ABHD17C: variants seen among roughly 807,000 people sequenced by gnomAD.
ABHD17C encodes the protein alpha/beta hydrolase domain-containing protein 17C.
Under a neutral mutation model 27.9 loss-of-function variants are expected in ABHD17C, and 11 were observed. That is an observed-to-expected ratio of 0.39 (90% confidence interval 0.25 to 0.65). ABHD17C has a LOEUF of 0.65. Among genes scored for constraint, ABHD17C ranks in the 30% least tolerant of loss-of-function variants. ABHD17C has a pLI of 0.45. For synonymous variants in ABHD17C, 233 were observed against 209.1 expected (o/e 1.11, Z -0.98); for missense variants, 280 against 470.2 (o/e 0.60, Z 3.74).
chr15:80,709,557 T>C (rs1894701567), intron 1 of ABHD17C, among the ~76,000 whole-genome samples: 1 of 151,874 alleles, frequency 6.6e-6, no homozygotes, highest in Non-Finnish European at 1.5e-5. Flanking sequence ...CTCCAGGATA[T>C]AGTTGCATAC....
At chr15:80,728,654 AT>A (rs1895016101) in intron 1 of ABHD17C, among the ~76,000 whole-genome samples, 1 of 152,208 alleles carries the variant, frequency 6.6e-6, no homozygotes, top group Non-Finnish European at 1.5e-5. Context: ...ATCTAAGTCG[AT>A]GAAACCAGGT....
At chr15:80,737,220 G>A (rs35978580) in intron 1 of ABHD17C, among the ~76,000 whole-genome samples, 17,700 of 152,138 alleles carry the variant, frequency 0.12, 1,357 homozygotes, top group East Asian at 0.25. Flanking sequence ...GGCTTCCCCC[G>A]GTAAAAATTG....
At chr15:80,721,821 C>T (rs558450649) in intron 1 of ABHD17C, among the ~76,000 whole-genome samples, 1 of 152,008 alleles carries the variant, frequency 6.6e-6, no homozygotes, top group Non-Finnish European at 1.5e-5. Flanking sequence ...TGGGGGCCTC[C>T]TTCCTTGTTG....
chr15:80,754,015 AAAAC>A (rs1283043517), intron 2 of ABHD17C, 132 bp from the exon 3 acceptor site: 3 of 729,932 alleles, frequency 4.1e-6, no homozygotes, highest in South Asian at 3.8e-5. Flanking sequence ...AAAACAAAAC[AAAAC>A]AAACAAAAAA....
intron 2 of ABHD17C, among the ~76,000 whole-genome samples, chr15:80,751,999 TAAAC>T (rs1159170851): frequency 6.6e-6 from 1 of 152,252 alleles, no homozygotes; most frequent in Non-Finnish European, 1.5e-5. Flanking sequence ...AAAACAAATT[TAAAC>T]AAAAGGAAAA....
At chr15:80,727,237 G>C (rs145520858) in intron 1 of ABHD17C, among the ~76,000 whole-genome samples, 22 of 152,286 alleles carry the variant, frequency 1.4e-4, no homozygotes, top group African/African-American at 5.1e-4. Flanking sequence ...GAATCGTCTA[G>C]GGTCACTCAG....
chr15:80,696,249 A>T (rs1199924958), intron 1 of ABHD17C, among the ~76,000 whole-genome samples: 2 of 152,182 alleles, frequency 1.3e-5, no homozygotes, highest in African/African-American at 4.8e-5. Flanking sequence ...GCTCGGACTC[A>T]GAGAATTTTG....
At chr15:80,747,360 T>G (rs1895302806) in intron 1 of ABHD17C, among the ~76,000 whole-genome samples, 1 of 152,136 alleles carries the variant, frequency 6.6e-6, no homozygotes, top group Admixed American at 6.5e-5. Flanking sequence ...TCCCTGGACT[T>G]GAGGTTAAGA....
rs1188665538 is a variant in ABHD17C, at chr15:80,695,555, C to T, written c.126C>T (p.Tyr42=). The T allele has an allele frequency of 1.3e-5, 17 of 1,324,122 alleles. No individual in the cohort carries two copies. Among genetic ancestry groups the T allele is most frequent in the Non-Finnish European group, 1.6e-5 (16 of 1,020,498 alleles). 82.0% of individuals were successfully genotyped at this position (1,324,122 alleles called of 1,614,324 possible). A position where few individuals can be genotyped will look rare whatever the true frequency, so the allele number is the denominator to read the frequency against. Residue 42 remains tyrosine (Y), a synonymous_variant, in exon 1 of 3, where the codon TAC becomes TAT. Transcript: ENST00000258884. The surrounding 1 kb of genome is among the most constrained non-coding windows in gnomAD (Gnocchi z 4.3). The part of the protein sequence containing the change: ...KLAFLPPEPT[Y]TVLAPEQRGA... ...CCTTCCTGCCGCCCGAGCCCACCTA[C>T]ACGGTGCTGGCGCCGGAGCAGCGCG...
chr15:80,713,028 A>G (rs1894747841), intron 1 of ABHD17C, among the ~76,000 whole-genome samples: 1 of 152,136 alleles, frequency 6.6e-6, no homozygotes, highest in South Asian at 2.1e-4. Flanking sequence ...CCATTCTTAC[A>G]GCATCTACAG....
intron 1 of ABHD17C, among the ~76,000 whole-genome samples, chr15:80,723,930 C>G (rs936646969): frequency 6.6e-6 from 1 of 152,154 alleles, no homozygotes; most frequent in Admixed American, 6.5e-5. Context: ...AGTCCGGGTG[C>G]AGTAGCTCGC....
chr15:80,703,882 A>G (rs927791013), intron 1 of ABHD17C, among the ~76,000 whole-genome samples: 1 of 152,194 alleles, frequency 6.6e-6, no homozygotes, highest in Non-Finnish European at 1.5e-5. Flanking sequence ...TCTGGTTTAC[A>G]TTATGTTTTT....
rs1026842539 is a variant in ABHD17C, at chr15:80,714,177, A to G, written c.590+18158A>G. 2.0e-5 allele frequency among the ~76,000 whole-genome samples: 3 copies of G among 152,102 alleles called. No individual in the cohort carries two copies. In the South Asian group the frequency reaches 6.2e-4, roughly 32 times the overall value. ...TGCCATTTTGTCCAGGCTGGTCTTG[A>G]ATTTCTGGGCTCGAGCAGTCTGCTT... On this transcript the variant is annotated intron_variant, in intron 1 of 2. Coordinates refer to ENST00000258884, the MANE Select transcript of ABHD17C (RefSeq NM_021214.2).
At chr15:80,746,059 A>G (rs1895278723) in intron 1 of ABHD17C, among the ~76,000 whole-genome samples, 1 of 152,220 alleles carries the variant, frequency 6.6e-6, no homozygotes, top group African/African-American at 2.4e-5. Flanking sequence ...GTCCCCATCA[A>G]CAGTGAATGA....
chr15:80,739,781 A>G (rs1016153535), intron 1 of ABHD17C, among the ~76,000 whole-genome samples: 5 of 152,208 alleles, frequency 3.3e-5, no homozygotes, highest in Non-Finnish European at 5.9e-5. Flanking sequence ...ATTCCTTTAT[A>G]GCAACACAAA....
chr15:80,733,872 GT>G (rs879428405), intron 1 of ABHD17C, among the ~76,000 whole-genome samples: 2 of 151,406 alleles, frequency 1.3e-5, no homozygotes, highest in Non-Finnish European at 2.9e-5. Context: ...AATATTTAAA[GT>G]TTTTTTTTCC....
At chr15:80,753,645 A>G (rs1895393438) in intron 2 of ABHD17C, among the ~76,000 whole-genome samples, 1 of 152,140 alleles carries the variant, frequency 6.6e-6, no homozygotes, top group South Asian at 2.1e-4. Context: ...AGTTCAAGCA[A>G]TTCTCCTGCC....
chr15:80,706,074 C>T (rs1894644389), intron 1 of ABHD17C, among the ~76,000 whole-genome samples: 1 of 152,228 alleles, frequency 6.6e-6, no homozygotes, highest in African/African-American at 2.4e-5. Flanking sequence ...GTTCTGGTTG[C>T]TCTTTACTTA....
At chr15:80,742,717 G>C (rs1895227020) in intron 1 of ABHD17C, among the ~76,000 whole-genome samples, 1 of 152,138 alleles carries the variant, frequency 6.6e-6, no homozygotes, top group African/African-American at 2.4e-5. Context: ...GAAAATATAA[G>C]AGTGTGATAG....
Sources: allele counts gnomAD v4.1 joint callset (sites outside exome capture counted in the v4.1 genomes callset), GRCh38; gene constraint gnomAD v4.1.1; non-coding constraint Gnocchi (gnomAD v3.1); transcripts MANE v1.5; gene names NCBI Gene and HGNC (gene_info 2026-07-23, HGNC 2026-07-21).